Variants in ROR2 observed in about 807,000 individuals in gnomAD.
ROR2 encodes ROR family WNT receptor 2.
ROR2 carries 33 observed loss-of-function variants against 74.9 expected under a neutral mutation model. The ratio of observed to expected loss-of-function variants is 0.44; its 90% CI spans 0.33 to 0.59. The LOEUF is 0.59. ROR2 is among the 20% of genes least tolerant of loss of function. The pLI is 0.02. For synonymous variants in ROR2, 586 were observed against 558.7 expected (o/e 1.05, Z -0.69); for missense variants, 1,216 against 1,313.8 (o/e 0.93, Z 1.15).
At chr9:91,740,571 TATATGTATATATATATATAC>T (rs1041262953) in intron 4 of ROR2, among the ~76,000 whole-genome samples, 1 of 149,304 alleles carries the variant, frequency 6.7e-6, no homozygotes, top group African/African-American at 2.5e-5. Context: ...GGGGAATATA[TATATGTATATATATATATAC>T]ATATATATAT....
intron 1 of ROR2, among the ~76,000 whole-genome samples, chr9:91,872,933 C>A (rs939998419): frequency 1.3e-4 from 20 of 152,212 alleles, no homozygotes; most frequent in African/African-American, 4.8e-4. Context: ...GTCCCCTCGA[C>A]CATGGCATGA....
At chr9:91,863,913 C>T (rs1317614171) in intron 1 of ROR2, among the ~76,000 whole-genome samples, 1 of 151,972 alleles carries the variant, frequency 6.6e-6, no homozygotes, top group African/African-American at 2.4e-5. Context: ...AGTTGTATCT[C>T]AAAGTGTAAA....
chr9:91,757,608 A>G lies in ROR2; in HGVS notation c.176-49T>C, dbSNP rs1299160455. On this transcript the variant is annotated intron_variant, in intron 2 of 8. Transcript: ENST00000375708. The stretch of plus-strand genomic sequence containing the variant: ...AGAGCAAGCGTCAGTGAGGGCTGGA[A>G]GGAAGGGCTACCTGGGGGCTCTGCT... 5 of 1,591,726 alleles carry G rather than the reference A, an allele frequency of 3.1e-6. No homozygotes were observed. In the South Asian group the frequency reaches 5.7e-5, roughly 18 times the overall value.
rs1391001688 is a variant in ROR2, at chr9:91,722,879, C to T, written c.*783G>A. On this transcript the variant is annotated 3_prime_UTR_variant, in exon 9 of 9. Coordinates refer to ENST00000375708, the MANE Select transcript of ROR2 (RefSeq NM_004560.4). ...ATATAAATTACATTTAAGCTCTGTACATGATTCTTAACAAAAATAACAATA... is the reference window on the plus strand; with the variant it reads ...ATATAAATTACATTTAAGCTCTGTATATGATTCTTAACAAAAATAACAATA... 9 of 465,814 alleles carry T rather than the reference C, an allele frequency of 1.9e-5. No homozygotes were observed. In the East Asian group the frequency reaches 2.6e-4, roughly 13 times the overall value. The allele number at this position is 465,814 out of a possible 1,614,324, so 28.9% of individuals were successfully genotyped here.
chr9:91,806,164 T>C (rs1047674801), intron 1 of ROR2, among the ~76,000 whole-genome samples: 1 of 152,178 alleles, frequency 6.6e-6, no homozygotes, highest in Non-Finnish European at 1.5e-5. Context: ...TCAGTGCACC[T>C]GAGCCACTCT....
At chr9:91,865,655 G>A (rs1829610537) in intron 1 of ROR2, among the ~76,000 whole-genome samples, 1 of 152,148 alleles carries the variant, frequency 6.6e-6, no homozygotes, top group Admixed American at 6.5e-5. Flanking sequence ...TGGGCCCAAG[G>A]CCATTTATTT....
chr9:91,798,306 A>C (rs1247613841), intron 1 of ROR2, among the ~76,000 whole-genome samples: 5 of 100,182 alleles, frequency 5.0e-5, no homozygotes, highest in African/African-American at 2.2e-4. Flanking sequence ...ACACCCTGGG[A>C]TCTGTGGGTG....
Position 91,737,499 on chromosome 9 carries a change from C to G in ROR2, c.514G>C (p.Gly172Arg). 6.2e-7 allele frequency: 1 copy of G among 1,614,206 alleles called. No individual in the cohort carries two copies. Among genetic ancestry groups the G allele is most frequent in the Non-Finnish European group, 8.5e-7 (1 of 1,180,034 alleles). The change falls in exon 5 of 9, where the codon GGG becomes CGG. Residue 172 changes from glycine (G) to arginine (R), a missense_variant. By Grantham distance (125) the Gly-to-Arg change is moderately radical. Transcript: ENST00000375708. ...ATTCCCCGGTAAGGCTGGCAGAACC[C>G]ATCCTCGTGGTAATCATCCCTGGTA... ...HNFQDDYHED[G>R]FCQPYRGIAC... is the part of the protein sequence containing the mutation.
chr9:91,767,679 C>T (rs1055075924), intron 2 of ROR2, among the ~76,000 whole-genome samples: 1 of 152,234 alleles, frequency 6.6e-6, no homozygotes, highest in African/African-American at 2.4e-5. Flanking sequence ...CCACTCCACT[C>T]GGGCTTTCCC....
chr9:91,734,018 G>A (rs1160548878), intron 5 of ROR2, among the ~76,000 whole-genome samples: 2 of 152,188 alleles, frequency 1.3e-5, no homozygotes, highest in African/African-American at 4.8e-5. Flanking sequence ...ACTCTGGAAG[G>A]TTCTGTGATA....
chr9:91,733,026 G>A lies in ROR2; in HGVS notation c.937+96C>T. ...GGGGTTCTGTGGGGCCTGGACAGAT[G>A]GGGCTCCCTGGGCTTCACCGACACC... On this transcript the variant is annotated intron_variant, in intron 6 of 8. Transcript: ENST00000375708. This position sits in a 1 kb window ranked among gnomAD's most constrained non-coding sequence, Gnocchi z 5.7. 8.0e-7 allele frequency: 1 copy of A among 1,245,640 alleles called. No homozygotes were observed. Among genetic ancestry groups the A allele is most frequent in the South Asian group, 1.4e-5 (1 of 72,996 alleles). The allele number at this position is 1,245,640 out of a possible 1,614,324, so 77.2% of individuals were successfully genotyped here.
At position 91,829,549 on chromosome 9, in the gene ROR2, C is replaced by CAAAAA. The variant is rs34687056; in HGVS notation, c.98-53736_98-53732dup. 1.4e-3 allele frequency among the ~76,000 whole-genome samples: 57 copies of CAAAAA among 40,498 alleles called. 7 individuals carry two copies. Among genetic ancestry groups the CAAAAA allele is most frequent in the African/African-American group, 4.7e-3 (48 of 10,190 alleles). 26.6% of individuals were successfully genotyped at this position (40,498 alleles called of 152,430 possible). ...TGGGTGACACAGCGAGACTCCGTCT[C>CAAAAA]AAAAAAAAAAAAAAAAAAAAAAAAG... On this transcript the variant is annotated intron_variant, in intron 1 of 8. Transcript: ENST00000375708.
chr9:91,945,778 C>G (rs1831997340), intron 1 of ROR2, among the ~76,000 whole-genome samples: 1 of 152,172 alleles, frequency 6.6e-6, no homozygotes, highest in Admixed American at 6.5e-5. Context: ...TTTGGCCACT[C>G]TACGAATATG....
At chr9:91,774,522 C>T (rs919718880) in intron 2 of ROR2, among the ~76,000 whole-genome samples, 30 of 152,094 alleles carry the variant, frequency 2.0e-4, no homozygotes, top group Admixed American at 5.9e-4. Context: ...GTTATGAAAA[C>T]ACCGGGATTC....
intron 2 of ROR2, among the ~76,000 whole-genome samples, chr9:91,766,185 ACAC>A (rs1174529545): frequency 6.6e-6 from 1 of 152,156 alleles, no homozygotes; most frequent in Non-Finnish European, 1.5e-5. Flanking sequence ...CCATGTGGTG[ACAC>A]CACTTTTCAC....
chr9:91,904,050 TTG>T (rs149783420), intron 1 of ROR2, among the ~76,000 whole-genome samples: 34,474 of 146,824 alleles, frequency 0.23, 4,554 homozygotes, highest in Admixed American at 0.42. Flanking sequence ...TTGTTTTTTT[TTG>T]GGGGGGGGGA....
In ROR2 at chr9:91,839,255, T is replaced by G. The variant is rs1264842599; in HGVS notation, c.98-63437A>C. Among the ~76,000 whole-genome samples, 136 of 57,950 alleles carry G rather than the reference T, an allele frequency of 2.3e-3. 1 individual carries two copies. The highest frequency in any genetic ancestry group is 8.4e-3 in the African/African-American group (125 of 14,862). 38.0% of individuals were successfully genotyped at this position (57,950 alleles called of 152,430 possible). On this transcript the variant is annotated intron_variant, in intron 1 of 8. Coordinates refer to ENST00000375708, the MANE Select transcript of ROR2 (RefSeq NM_004560.4). ...TCCTGGTGCTGTCAGATCGGGGGTG[T>G]GTGTGTGTGTGTGTGTGTGTGTGTG...
intron 1 of ROR2, among the ~76,000 whole-genome samples, chr9:91,887,856 A>G (rs1238477615): frequency 1.6e-5 from 2 of 127,392 alleles, no homozygotes; most frequent in Non-Finnish European, 3.1e-5. Context: ...CAGTGGTGCC[A>G]TCACAACTCA....
At chr9:91,736,442 T>C (rs756087582) in intron 5 of ROR2, among the ~76,000 whole-genome samples, 40 of 152,132 alleles carry the variant, frequency 2.6e-4, no homozygotes, top group Non-Finnish European at 4.4e-4. Context: ...CACCACACTC[T>C]CCCAGGAGCG....
Sources: allele counts gnomAD v4.1 joint callset (sites outside exome capture counted in the v4.1 genomes callset), GRCh38; gene constraint gnomAD v4.1.1; non-coding constraint Gnocchi (gnomAD v3.1); transcripts MANE v1.5; gene names NCBI Gene and HGNC (gene_info 2026-07-23, HGNC 2026-07-21).